The following HORMAD2 variants were observed in gnomAD, a reference collection of about 807,000 sequenced individuals.
HORMAD2 encodes HORMA domain containing 2.
Under a neutral mutation model 38.8 loss-of-function variants are expected in HORMAD2, and 45 were observed. The observed-to-expected ratio is 1.16, with a 90% CI of 0.91 to 1.49. The LOEUF (loss-of-function observed/expected upper bound fraction) is 1.49, where lower values mean the gene tolerates loss of function less well. HORMAD2 is among the 40% of genes most tolerant of loss of function. HORMAD2 has a pLI of 0.00. For synonymous variants in HORMAD2, 126 were observed against 122.8 expected (o/e 1.03, Z -0.17); for missense variants, 338 against 367.0 (o/e 0.92, Z 0.65).
At chr22:30,174,701 G>A (rs1270459033) in intron 10 of HORMAD2, among the ~76,000 whole-genome samples, 1 of 152,116 alleles carries the variant, frequency 6.6e-6, no homozygotes, top group African/African-American at 2.4e-5. Context: ...ATAGAAGTGA[G>A]GATAGTTTGG....
chr22:30,155,306 T>A (rs1452394575), intron 10 of HORMAD2, among the ~76,000 whole-genome samples: 2 of 152,188 alleles, frequency 1.3e-5, no homozygotes, highest in African/African-American at 4.8e-5. Context: ...ATGTAAGTTA[T>A]CCTGATCCTC....
At chr22:30,130,484 A>C (rs927930096) in intron 10 of HORMAD2, among the ~76,000 whole-genome samples, 4 of 152,126 alleles carry the variant, frequency 2.6e-5, no homozygotes, top group Non-Finnish European at 4.4e-5. Context: ...GGGACAATAC[A>C]GGGTTCAGTA....
chr22:30,108,305 C>T (rs1192148774), intron 5 of HORMAD2, among the ~76,000 whole-genome samples: 1 of 152,044 alleles, frequency 6.6e-6, no homozygotes, highest in East Asian at 1.9e-4. Context: ...AAAAATTTTC[C>T]ACAGCTTTTA....
chr22:30,159,284 C>T (rs909552292), intron 10 of HORMAD2, among the ~76,000 whole-genome samples: 1 of 152,150 alleles, frequency 6.6e-6, no homozygotes, highest in Admixed American at 6.5e-5. Flanking sequence ...CGAACTAGCC[C>T]TACATTTCTA....
At chr22:30,204,093 C>A in the HORMAD2 span, among the ~76,000 whole-genome samples, 2 of 152,184 alleles carry the variant, frequency 1.3e-5, no homozygotes, top group Non-Finnish European at 2.9e-5. Flanking sequence ...TGAGCTGATG[C>A]TTCTCCCAGA....
At chr22:30,148,132 CTT>C (rs1322614353) in intron 10 of HORMAD2, among the ~76,000 whole-genome samples, 2 of 152,056 alleles carry the variant, frequency 1.3e-5, no homozygotes, top group African/African-American at 4.8e-5. Flanking sequence ...ATTGTGGTAT[CTT>C]TGTACAGTGA....
intron 7 of HORMAD2, among the ~76,000 whole-genome samples, chr22:30,115,345 G>GGATCCCCTT (rs1454135365): frequency 6.6e-6 from 1 of 152,000 alleles, no homozygotes; most frequent in Non-Finnish European, 1.5e-5. Flanking sequence ...TGGTCTCAAA[G>GGATCCCCTT]GATCCCCTTG....
chr22:30,079,895 G>C (rs1313742552), upstream of HORMAD2, among the ~76,000 whole-genome samples: 6 of 152,114 alleles, frequency 3.9e-5, no homozygotes, highest in Non-Finnish European at 8.8e-5. Flanking sequence ...GGCCAGGCTG[G>C]TCTCGAATTC....
intron 8 of HORMAD2, among the ~76,000 whole-genome samples, chr22:30,121,077 T>C (rs1490099783): frequency 2.0e-5 from 3 of 152,192 alleles, no homozygotes; most frequent in African/African-American, 7.2e-5. Context: ...ATATGGAGAA[T>C]ATTTTGTAGT....
At chr22:30,184,559 T>G in the HORMAD2 span, 12 of 150,278 alleles carry the variant, frequency 8.0e-5, no homozygotes, top group Middle Eastern at 3.4e-3. Context: ...AATGTTTTGG[T>G]TTTTTTTTAA....
chr22:30,083,804 T>C (rs1339182934), intron 1 of HORMAD2, among the ~76,000 whole-genome samples: 1 of 152,162 alleles, frequency 6.6e-6, no homozygotes, highest in East Asian at 1.9e-4. Flanking sequence ...AGTTTCACCA[T>C]GTTTTTTGAA....
At chr22:30,175,268 TAA>T (rs1491449283) in intron 10 of HORMAD2, among the ~76,000 whole-genome samples, 2 of 140,112 alleles carry the variant, frequency 1.4e-5, no homozygotes, top group African/African-American at 5.4e-5. Flanking sequence ...ATATATATAA[TAA>T]TATATATAAT....
intron 10 of HORMAD2, among the ~76,000 whole-genome samples, chr22:30,126,076 T>C (rs1284572212): frequency 2.6e-5 from 4 of 152,210 alleles, no homozygotes; most frequent in Admixed American, 6.5e-5. Context: ...TTACAGTCAC[T>C]ATTCTGCTCA....
At chr22:30,192,383 A>T in the HORMAD2 span, among the ~76,000 whole-genome samples, 1 of 152,062 alleles carries the variant, frequency 6.6e-6, no homozygotes, top group Non-Finnish European at 1.5e-5. Flanking sequence ...ATAGAGTCAG[A>T]CAGGAAGAGC....
At chr22:30,172,078 G>A (rs906512018) in intron 10 of HORMAD2, among the ~76,000 whole-genome samples, 3 of 152,120 alleles carry the variant, frequency 2.0e-5, no homozygotes, top group African/African-American at 7.2e-5. Context: ...TTTCTGAGGA[G>A]AGAGTGCATA....
chr22:30,130,715 C>G (rs183800665), intron 10 of HORMAD2, among the ~76,000 whole-genome samples: 27 of 151,486 alleles, frequency 1.8e-4, no homozygotes, highest in African/African-American at 6.0e-4. Flanking sequence ...CTCAGCCACC[C>G]GAGTAACTGG....
chr22:30,182,724 G>A, the HORMAD2 span, among the ~76,000 whole-genome samples: 1 of 152,160 alleles, frequency 6.6e-6, no homozygotes, highest in African/African-American at 2.4e-5. Context: ...CCAAGAGTTT[G>A]AGACCAGCCT....
At chr22:30,123,957 T>C (rs1161670081) in intron 10 of HORMAD2, among the ~76,000 whole-genome samples, 2 of 151,898 alleles carry the variant, frequency 1.3e-5, no homozygotes, top group East Asian at 1.9e-4. Context: ...CCACACCTGG[T>C]TAGATTTTTA....
the HORMAD2 span, among the ~76,000 whole-genome samples, chr22:30,205,082 G>A: frequency 1.3e-5 from 2 of 152,168 alleles, no homozygotes; most frequent in African/African-American, 4.8e-5. Context: ...GCAGTTGAGC[G>A]AAATGAAATT....
Sources: allele counts gnomAD v4.1 joint callset (sites outside exome capture counted in the v4.1 genomes callset), GRCh38; gene constraint gnomAD v4.1.1; transcripts MANE v1.5; gene names NCBI Gene and HGNC (gene_info 2026-07-23, HGNC 2026-07-21).